The following SCX variants were observed in gnomAD, a reference collection of about 807,000 sequenced individuals.
The protein encoded by SCX is scleraxis bHLH transcription factor.
A neutral mutation model predicts 12.2 loss-of-function variants in SCX; 7 were observed. The observed-to-expected ratio is 0.57, with a 90% CI of 0.33 to 1.08. The LOEUF (loss-of-function observed/expected upper bound fraction) is 1.08. Ranked by LOEUF, SCX falls within the 50% of genes least tolerant of loss-of-function variation. The pLI is 0.04. For missense variants in SCX, 342 were observed against 337.2 expected, an observed-to-expected ratio of 1.01 and a Z score of -0.11; for synonymous variants, 193 against 163.9, an observed-to-expected ratio of 1.18 and a Z score of -1.36.
Position 144,266,649 on chromosome 8 carries a change from C to G in SCX, c.36C>G (p.Gly12=). ...SFATLRPAPP[G]RYLYPEVSPL... ...CCACGCTGCGCCCGGCGCCGCCGGG[C>G]CGCTACCTGTACCCCGAGGTGAGCC... The change falls in exon 1 of 2, where the codon GGC becomes GGG. Residue 12 remains glycine (G), a synonymous_variant. Coordinates refer to ENST00000567180, the MANE Select transcript of SCX (RefSeq NM_001080514.3). 8.0e-7 allele frequency: 1 copy of G among 1,252,454 alleles called. No individual in the cohort carries two copies. Among genetic ancestry groups the G allele is most frequent in the Non-Finnish European group, 1.0e-6 (1 of 979,054 alleles). 77.6% of individuals were successfully genotyped at this position (1,252,454 alleles called of 1,614,324 possible). A position where few individuals can be genotyped will look rare whatever the true frequency, so the allele number is the denominator to read the frequency against.
chr8:144,268,307 C>A lies in SCX; in HGVS notation c.*165C>A, dbSNP rs931513348. 6 of 991,208 alleles carry A rather than the reference C, an allele frequency of 6.1e-6. No individual in the cohort carries two copies. The highest frequency in any genetic ancestry group is 2.6e-5 in the East Asian group (1 of 37,828). The allele number at this position is 991,208 out of a possible 1,614,324, so 61.4% of individuals were successfully genotyped here. ...CGGGGCCGAGGGACAGACGGACGTA[C>A]AGACAGGCGCCGGCAGCGGGACTCT... On this transcript the variant is annotated 3_prime_UTR_variant, in exon 2 of 2. Coordinates refer to ENST00000567180, the MANE Select transcript of SCX (RefSeq NM_001080514.3).
In SCX at chr8:144,268,205, G is replaced by A; in HGVS notation, c.*63G>A. 3.9e-6 allele frequency: 6 copies of A among 1,546,486 alleles called. No homozygotes were observed. Among genetic ancestry groups the A allele is most frequent in the Non-Finnish European group, 5.2e-6 (6 of 1,145,022 alleles). On this transcript the variant is annotated 3_prime_UTR_variant, in exon 2 of 2. Transcript: ENST00000567180. ...GGGGAGGTGGACGCCCGGGGTGACT[G>A]CAGACAGCCCCCACCTTGGACCTGA...
chr8:144,266,529 C>A lies in SCX; in HGVS notation c.-85C>A, dbSNP rs1251772239. 2.0e-6 allele frequency: 2 copies of A among 991,732 alleles called. No individual in the cohort carries two copies. Among genetic ancestry groups the A allele is most frequent in the Admixed American group, 6.2e-5 (1 of 16,250 alleles). 61.4% of individuals were successfully genotyped at this position (991,732 alleles called of 1,614,324 possible). ...GCAGCCGAGACCCCGCGCCTCGCCCCGGCCGGCCCGCGAGGCCCGCGGCGG... is the reference window on the plus strand; with the variant it reads ...GCAGCCGAGACCCCGCGCCTCGCCCAGGCCGGCCCGCGAGGCCCGCGGCGG... On this transcript the variant is annotated 5_prime_UTR_variant, in exon 1 of 2. Coordinates refer to ENST00000567180, the MANE Select transcript of SCX (RefSeq NM_001080514.3).
chr8:144,267,109 C>G lies in SCX; in HGVS notation c.496C>G (p.Pro166Ala). The G allele has an allele frequency of 6.8e-7, 1 of 1,462,518 alleles. No individual in the cohort carries two copies. 90.6% of individuals were successfully genotyped at this position (1,462,518 alleles called of 1,614,324 possible). A position where few individuals can be genotyped will look rare whatever the true frequency, so the allele number is the denominator to read the frequency against. ...GSPPPPPPPP[P>A]ARDGENTQPK... ...CCCCCCGCCGCCGCCCCCGCCGCCT[C>G]CCGCCCGCGACGGCGAGAACACCCA... Residue 166 changes from proline (P) to alanine (A), a missense_variant, in exon 1 of 2, where the codon CCC (proline) becomes GCC (alanine). This residue lies in a region of SCX where 161 missense variants were observed against 155.7 expected (regional missense o/e 1.03). Coordinates refer to ENST00000567180, the MANE Select transcript of SCX (RefSeq NM_001080514.3).
rs1225332636 is a variant in SCX at position 144,267,084 on chromosome 8, CCCCCCGCCGCCG to C, written c.483_494del (p.Pro163_Pro166del). 2.1e-4 allele frequency: 284 copies of C among 1,370,722 alleles called. 8 individuals are homozygous for C. Among genetic ancestry groups the C allele is most frequent in the African/African-American group, 1.9e-3 (125 of 65,396 alleles). The allele number at this position is 1,370,722 out of a possible 1,614,324, so 84.9% of individuals were successfully genotyped here. A position where few individuals can be genotyped will look rare whatever the true frequency, so the allele number is the denominator to read the frequency against. On this transcript the variant is annotated inframe_deletion, in exon 1 of 2. Transcript: ENST00000567180. ...TCTTCCACGCGGCGCGCGCCGGCAG[CCCCCCGCCGCCG>C]CCCCCGCCGCCTCCCGCCCGCGACG...
Position 144,266,731 on chromosome 8 carries a change from T to C in SCX, c.118T>C (p.Cys40Arg). 1 of 1,113,918 alleles carries C rather than the reference T, an allele frequency of 9.0e-7. No homozygotes were observed. Among genetic ancestry groups the C allele is most frequent in the Non-Finnish European group, 1.1e-6 (1 of 902,726 alleles). The allele number at this position is 1,113,918 out of a possible 1,614,324, so 69.0% of individuals were successfully genotyped here. Residue 40 changes from cysteine to arginine, a missense_variant, in exon 1 of 2, where the codon TGT (cysteine) becomes CGT (arginine). Cys to Arg is a radical substitution (Grantham distance 180). This residue lies in a region of SCX where 139 missense variants were observed against 107.8 expected (regional missense o/e 1.29). Transcript: ENST00000567180. ...CAGCTCGGGCTCCGACGAGAAACCC[T>C]GTCGCGTGCACGCGGCGCGCTGCGG... The part of the protein sequence containing the change: ...SDSSGSDEKP[C>R]RVHAARCGLQ...
chr8:144,266,704 G>A lies in SCX; in HGVS notation c.91G>A (p.Asp31Asn), dbSNP rs1845376412. ...GTCGGAGGACGAGGACCGCGGCAGC[G>A]ACAGCTCGGGCTCCGACGAGAAACC... ...PLSEDEDRGSDSSGSDEKPCR... is the reference protein window; with the variant it reads ...PLSEDEDRGSNSSGSDEKPCR... The change falls in exon 1 of 2, where the codon GAC (aspartate) becomes AAC (asparagine). Residue 31 changes from aspartate (D) to asparagine (N), a missense_variant. Coordinates refer to ENST00000567180, the MANE Select transcript of SCX (RefSeq NM_001080514.3). 2.5e-6 allele frequency: 3 copies of A among 1,222,380 alleles called. No homozygotes were observed. Among genetic ancestry groups the A allele is most frequent in the South Asian group, 1.5e-5 (1 of 65,778 alleles). The allele number at this position is 1,222,380 out of a possible 1,614,324, so 75.7% of individuals were successfully genotyped here. A position where few individuals can be genotyped will look rare whatever the true frequency, so the allele number is the denominator to read the frequency against.
rs898673781 is a variant in SCX, at chr8:144,268,152, G to A, written c.*10G>A. The A allele has an allele frequency of 1.9e-5, 30 of 1,550,892 alleles. No individual in the cohort carries two copies. The highest frequency in any genetic ancestry group is 9.7e-5 in the East Asian group (4 of 41,042). Reference sequence around the variant, plus strand: ...AGCGATTCGCAGTTAGGAGGTGGCCGGCAGCAGCCAGGAGGCAGACGCTGC... The same window carrying A: ...AGCGATTCGCAGTTAGGAGGTGGCCAGCAGCAGCCAGGAGGCAGACGCTGC... On this transcript the variant is annotated 3_prime_UTR_variant, in exon 2 of 2. Coordinates refer to ENST00000567180, the MANE Select transcript of SCX (RefSeq NM_001080514.3).
At chr8:144,267,259 GC>G in intron 1 of SCX, 79 bp downstream of exon 1, 1 of 1,415,882 alleles carries the variant, frequency 7.1e-7, no homozygotes, top group South Asian at 1.5e-5. Context: ...AGGAGGCGAG[GC>G]CACACGGGCA....
intron 1 of SCX, among the ~76,000 whole-genome samples, chr8:144,267,497 C>G (rs1352035727): frequency 6.6e-6 from 1 of 152,244 alleles, no homozygotes; most frequent in Non-Finnish European, 1.5e-5. Context: ...GCAAGCTTCC[C>G]TTTTCAGTAA....
Position 144,267,026 on chromosome 8 carries a change from GCGA to G in SCX, c.416_418del (p.Asp139del). On this transcript the variant is annotated inframe_deletion, in exon 1 of 2. Coordinates refer to ENST00000567180, the MANE Select transcript of SCX (RefSeq NM_001080514.3). The stretch of plus-strand genomic sequence containing the variant: ...GTGCTGCTGGCGGGCGAGGCCTGCG[GCGA>G]CGGACAGCCCTGCCACTCCGGGCCC... 6.6e-7 allele frequency: 1 copy of G among 1,519,834 alleles called. No individual in the cohort carries two copies. The highest frequency in any genetic ancestry group is 8.8e-7 in the Non-Finnish European group (1 of 1,140,948). The allele number at this position is 1,519,834 out of a possible 1,614,324, so 94.1% of individuals were successfully genotyped here.
chr8:144,267,990 G>A, intron 1 of SCX, 114 bp from the exon 2 acceptor site: 1 of 1,478,438 alleles, frequency 6.8e-7, no homozygotes. Flanking sequence ...GGAGAGCCGG[G>A]AAGGAGGTGC....
At position 144,266,828 on chromosome 8, in the gene SCX, G is replaced by T; in HGVS notation, c.215G>T (p.Arg72Leu). The T allele has an allele frequency of 7.8e-7, 1 of 1,278,906 alleles. No individual in the cohort carries two copies. Among genetic ancestry groups the T allele is most frequent in the Non-Finnish European group, 1.0e-6 (1 of 999,680 alleles). The allele number at this position is 1,278,906 out of a possible 1,614,324, so 79.2% of individuals were successfully genotyped here. Reference sequence around the variant, plus strand: ...GGGGGGCCAGGGGGCCGGCCAGGCCGTGAGCCCCGGCAGCGGCACACGGCG... The same window carrying T: ...GGGGGGCCAGGGGGCCGGCCAGGCCTTGAGCCCCGGCAGCGGCACACGGCG... ...GGGGPGGRPG[R>L]EPRQRHTANA... Residue 72 changes from arginine to leucine, a missense_variant, in exon 1 of 2, where the codon CGT becomes CTT. By Grantham distance (102) the Arg-to-Leu change is moderately radical. Transcript: ENST00000567180.
Position 144,267,087 on chromosome 8 carries a change from CCCG to C in SCX, c.483_485del (p.Pro166del). On this transcript the variant is annotated inframe_deletion, in exon 1 of 2. Coordinates refer to ENST00000567180, the MANE Select transcript of SCX (RefSeq NM_001080514.3). ...TCCACGCGGCGCGCGCCGGCAGCCC[CCCG>C]CCGCCGCCCCCGCCGCCTCCCGCCC... The C allele has an allele frequency of 4.4e-6, 6 of 1,367,486 alleles. No individual in the cohort carries two copies. The highest frequency in any genetic ancestry group is 5.6e-6 in the Non-Finnish European group (6 of 1,069,290). 84.7% of individuals were successfully genotyped at this position (1,367,486 alleles called of 1,614,324 possible). A position where few individuals can be genotyped will look rare whatever the true frequency, so the allele number is the denominator to read the frequency against.
chr8:144,268,246 C>T lies in SCX; in HGVS notation c.*104C>T. On this transcript the variant is annotated 3_prime_UTR_variant, in exon 2 of 2. Coordinates refer to ENST00000567180, the MANE Select transcript of SCX (RefSeq NM_001080514.3). Reference sequence around the variant, plus strand: ...TTGGACCTGAGCTGGGCAAGGCCCACCGCAAGCATGCCCCCAGGCCAGCCC... The same window carrying T: ...TTGGACCTGAGCTGGGCAAGGCCCATCGCAAGCATGCCCCCAGGCCAGCCC... 16 of 1,486,302 alleles carry T rather than the reference C, an allele frequency of 1.1e-5. No homozygotes were observed. Among genetic ancestry groups the T allele is most frequent in the Non-Finnish European group, 1.5e-5 (16 of 1,094,940 alleles). The allele number at this position is 1,486,302 out of a possible 1,614,324, so 92.1% of individuals were successfully genotyped here. A position where few individuals can be genotyped will look rare whatever the true frequency, so the allele number is the denominator to read the frequency against.
chr8:144,266,550 G>A lies in SCX; in HGVS notation c.-64G>A. Reference sequence around the variant, plus strand: ...GCCCCGGCCGGCCCGCGAGGCCCGCGGCGGCCGCAGGAGGCGGCATGAGCA... The same window carrying A: ...GCCCCGGCCGGCCCGCGAGGCCCGCAGCGGCCGCAGGAGGCGGCATGAGCA... On this transcript the variant is annotated 5_prime_UTR_variant, in exon 1 of 2. Coordinates refer to ENST00000567180, the MANE Select transcript of SCX (RefSeq NM_001080514.3). 3 of 998,674 alleles carry A rather than the reference G, an allele frequency of 3.0e-6. No homozygotes were observed. Among genetic ancestry groups the A allele is most frequent in the Non-Finnish European group, 3.6e-6 (3 of 840,194 alleles). The allele number at this position is 998,674 out of a possible 1,614,324, so 61.9% of individuals were successfully genotyped here. A position where few individuals can be genotyped will look rare whatever the true frequency, so the allele number is the denominator to read the frequency against.
At chr8:144,267,327 G>A (rs1845397623) in intron 1 of SCX, 147 bp downstream of exon 1, 4 of 1,018,000 alleles carry the variant, frequency 3.9e-6, no homozygotes, top group Non-Finnish European at 5.1e-6. Context: ...GCCGGGGGCT[G>A]GGGCCTTCTC....
At position 144,266,611 on chromosome 8, in the gene SCX, C is replaced by T. The variant is rs1315455429; in HGVS notation, c.-3C>T. On this transcript the variant is annotated 5_prime_UTR_variant, in exon 1 of 2. Coordinates refer to ENST00000567180, the MANE Select transcript of SCX (RefSeq NM_001080514.3). ...GAGCTGACGCCGCGCCCCCGCCGGCCCCATGTCCTTCGCCACGCTGCGCCC... is the reference window on the plus strand; with the variant it reads ...GAGCTGACGCCGCGCCCCCGCCGGCTCCATGTCCTTCGCCACGCTGCGCCC... 2 of 1,195,156 alleles carry T rather than the reference C, an allele frequency of 1.7e-6. No individual in the cohort carries two copies. The highest frequency in any genetic ancestry group is 7.0e-5 in the East Asian group (1 of 14,264). The allele number at this position is 1,195,156 out of a possible 1,614,324, so 74.0% of individuals were successfully genotyped here.
rs1429925368 is a variant in SCX, at chr8:144,267,074, G to C, written c.461G>C (p.Arg154Pro). The change falls in exon 1 of 2, where the codon CGC becomes CCC. Residue 154 changes from arginine to proline, a missense_variant. By Grantham distance (103) the Arg-to-Pro change is moderately radical. This residue lies in a region of SCX where 161 missense variants were observed against 155.7 expected (regional missense o/e 1.03). Transcript: ENST00000567180. ...GGGCCCGCCTTCTTCCACGCGGCGC[G>C]CGCCGGCAGCCCCCCGCCGCCGCCC... ...HSGPAFFHAARAGSPPPPPPP... is the reference protein window; with the variant it reads ...HSGPAFFHAAPAGSPPPPPPP... The C allele has an allele frequency of 1.4e-5, 20 of 1,405,414 alleles. No homozygotes were observed. The highest frequency in any genetic ancestry group is 1.8e-5 in the Non-Finnish European group (19 of 1,084,984). The allele number at this position is 1,405,414 out of a possible 1,614,324, so 87.1% of individuals were successfully genotyped here. A position where few individuals can be genotyped will look rare whatever the true frequency, so the allele number is the denominator to read the frequency against.
Sources: allele counts gnomAD v4.1 joint callset (sites outside exome capture counted in the v4.1 genomes callset), GRCh38; gene constraint gnomAD v4.1.1; regional missense constraint gnomAD v4.1.1; transcripts MANE v1.5; gene names NCBI Gene and HGNC (gene_info 2026-07-23, HGNC 2026-07-21).